The following CACNA1D variants were observed in gnomAD, a reference collection of about 807,000 sequenced individuals.
The protein encoded by CACNA1D is voltage-dependent L-type calcium channel subunit alpha-1D.
In CACNA1D, 55 loss-of-function variants were observed where a neutral mutation model predicts 257.1. The observed-to-expected ratio is 0.21, with a 90% CI of 0.17 to 0.27. The LOEUF (loss-of-function observed/expected upper bound fraction) is 0.27. Ranked by LOEUF, CACNA1D falls within the 10% of genes least tolerant of loss-of-function variation. The probability of loss-of-function intolerance (pLI) is 1.00; values close to 1 mark genes in which losing one functional copy is unlikely to be tolerated. For synonymous variants in CACNA1D, 980 were observed against 1,014.9 expected (o/e 0.97, Z 0.65); for missense variants, 1,876 against 2,784.0 (o/e 0.67, Z 7.34).
Position 53,730,535 on chromosome 3 carries a change from A to G in CACNA1D, c.2315A>G (p.Lys772Arg). Residue 772 changes from lysine (K) to arginine (R), a missense_variant, in exon 16 of 48, where the codon AAG becomes AGG. Transcript: ENST00000350061. The part of the protein sequence containing the change: ...NTAQKEEAEE[K>R]ERKKIARKES... ...GCTCAGAAAGAAGAAGCGGAAGAAA[A>G]GGAGAGGAAAAAGATTGCCAGGTAA... 2 of 1,613,740 alleles carry G rather than the reference A, an allele frequency of 1.2e-6. No homozygotes were observed. The highest frequency in any genetic ancestry group is 1.7e-6 in the Non-Finnish European group (2 of 1,179,578).
intron 3 of CACNA1D, among the ~76,000 whole-genome samples, chr3:53,596,303 C>T (rs2093368992): frequency 6.6e-6 from 1 of 152,022 alleles, no homozygotes; most frequent in East Asian, 1.9e-4. Context: ...CATGTGTGTG[C>T]ATGTGCATGT....
intron 3 of CACNA1D, among the ~76,000 whole-genome samples, chr3:53,589,088 C>T (rs1006472911): frequency 4.6e-5 from 7 of 152,176 alleles, no homozygotes; most frequent in Non-Finnish European, 8.8e-5. Context: ...AAGTTAGTGT[C>T]TTCTCTTCCA....
intron 3 of CACNA1D, among the ~76,000 whole-genome samples, chr3:53,504,621 C>G (rs2090749834): frequency 6.6e-6 from 1 of 152,084 alleles, no homozygotes; most frequent in Admixed American, 6.6e-5. Flanking sequence ...AGTAATAGCC[C>G]TCCTAGTTCA....
At position 53,496,014 on chromosome 3, in the gene CACNA1D, G is replaced by C. The variant is rs745769583; in HGVS notation, c.67+781G>C. Among the ~76,000 whole-genome samples the C allele has an allele frequency of 7.2e-4, 109 of 152,324 alleles. 2 individuals carry two copies. The Middle Eastern group carries it at 0.014, about 19-fold the overall frequency. On this transcript the variant is annotated intron_variant, in intron 1 of 47. Coordinates refer to ENST00000350061, the MANE Select transcript of CACNA1D (RefSeq NM_001128840.3). ...CGGCTGGAAGCCTTTCCGGGTGAGC[G>C]CTCCCCTAGGGAGAAGCTTGACATG... is the stretch of plus-strand genomic sequence containing the variant.
At chr3:53,501,581 C>T in intron 2 of CACNA1D, 34 bp from the exon 3 acceptor site, 1 of 1,106,496 alleles carries the variant, frequency 9.0e-7, no homozygotes, top group Non-Finnish European at 1.4e-6. Flanking sequence ...TTTATGTTTC[C>T]ATAACACATA....
intron 3 of CACNA1D, among the ~76,000 whole-genome samples, chr3:53,532,880 G>A (rs2091993849): frequency 6.6e-6 from 1 of 152,174 alleles, no homozygotes; most frequent in Non-Finnish European, 1.5e-5. Context: ...TGACATCTTG[G>A]CAGCAGAGGT....
chr3:53,703,445 A>G (rs1473695258), intron 9 of CACNA1D, among the ~76,000 whole-genome samples: 4 of 152,226 alleles, frequency 2.6e-5, no homozygotes, highest in Non-Finnish European at 5.9e-5. Flanking sequence ...CTGAGAACTC[A>G]GTCCATCACT....
intron 20 of CACNA1D, among the ~76,000 whole-genome samples, chr3:53,737,765 G>A (rs992259581): frequency 4.6e-5 from 7 of 152,248 alleles, no homozygotes; most frequent in African/African-American, 7.2e-5. Flanking sequence ...GGAGGTTGCA[G>A]TGAACTGAGA....
chr3:53,719,818 T>A (rs2094862444), intron 11 of CACNA1D, 37 bp downstream of exon 11: 1 of 1,593,950 alleles, frequency 6.3e-7, no homozygotes, highest in Non-Finnish European at 8.6e-7. Context: ...TCAGCCTGTG[T>A]GTTGCCTTTG....
chr3:53,675,841 A>T (rs1323124049), intron 8 of CACNA1D, among the ~76,000 whole-genome samples: 1 of 152,090 alleles, frequency 6.6e-6, no homozygotes, highest in Non-Finnish European at 1.5e-5. Context: ...ATAAAAGAAA[A>T]CCCGAGACTT....
chr3:53,801,596 A>G (rs1208080643), intron 42 of CACNA1D, among the ~76,000 whole-genome samples, 171 bp downstream of exon 42: 1 of 151,768 alleles, frequency 6.6e-6, no homozygotes, highest in Non-Finnish European at 1.5e-5. Flanking sequence ...TGCCTCTGAC[A>G]CTCTCCACGT....
intron 4 of CACNA1D, among the ~76,000 whole-genome samples, chr3:53,656,548 C>T (rs906838614): frequency 3.9e-5 from 6 of 152,082 alleles, no homozygotes; most frequent in Middle Eastern, 3.2e-3. Context: ...ACACAAAAAG[C>T]TCCAGCCATG....
intron 3 of CACNA1D, among the ~76,000 whole-genome samples, chr3:53,544,890 T>C (rs1357399701): frequency 1.3e-5 from 2 of 152,192 alleles, no homozygotes; most frequent in Non-Finnish European, 2.9e-5. Context: ...CACTGGAGCG[T>C]CTACCTCATA....
At chr3:53,587,942 A>T (rs894373785) in intron 3 of CACNA1D, among the ~76,000 whole-genome samples, 3 of 151,968 alleles carry the variant, frequency 2.0e-5, no homozygotes, top group Non-Finnish European at 4.4e-5. Flanking sequence ...TTGCTTCCTT[A>T]TGGCTGCACA....
At chr3:53,656,147 T>C (rs1179225375) in intron 4 of CACNA1D, among the ~76,000 whole-genome samples, 1 of 152,224 alleles carries the variant, frequency 6.6e-6, no homozygotes, top group Non-Finnish European at 1.5e-5. Flanking sequence ...TGTGTCTGTT[T>C]TTGTATGAGC....
intron 32 of CACNA1D, among the ~76,000 whole-genome samples, chr3:53,771,243 T>C (rs1344555365): frequency 1.3e-5 from 2 of 152,236 alleles, no homozygotes; most frequent in South Asian, 2.1e-4. Context: ...GGTGGACCCA[T>C]GTAGGGAATT....
chr3:53,650,233 G>C (rs1040919898), intron 3 of CACNA1D, among the ~76,000 whole-genome samples: 1 of 152,220 alleles, frequency 6.6e-6, no homozygotes, highest in African/African-American at 2.4e-5. Context: ...CAGAGGAGGA[G>C]AAGGACTTGT....
chr3:53,698,806 C>CTTTTTT (rs11393164), intron 8 of CACNA1D, among the ~76,000 whole-genome samples: 1 of 135,162 alleles, frequency 7.4e-6, no homozygotes, highest in African/African-American at 2.7e-5. Context: ...CACTTTATTG[C>CTTTTTT]TTTTTTTTTT....
chr3:53,748,328 G>A lies in CACNA1D; in HGVS notation c.3314+880G>A, dbSNP rs576614259. On this transcript the variant is annotated intron_variant, in intron 26 of 47. Transcript: ENST00000350061. ...AGCTGCAGGAGGTGGGCAGGCTGGG[G>A]CTCGCAGGCCAGCAGAGTTCTTGGG... Among the ~76,000 whole-genome samples, 4 of 152,342 alleles carry A rather than the reference G, an allele frequency of 2.6e-5. No homozygotes were observed. In the South Asian group the frequency reaches 6.2e-4, roughly 24 times the overall value.
Sources: gnomAD v4.1 joint callset for allele counts (sites outside exome capture counted in the v4.1 genomes callset) on GRCh38, gnomAD v4.1.1 for gene constraint, MANE v1.5 for transcripts, NCBI Gene and HGNC (gene_info 2026-07-23, HGNC 2026-07-21) for gene names.